The following VWA8 variants were observed in gnomAD, a reference collection of about 807,000 sequenced individuals.
The protein encoded by VWA8 is von Willebrand factor A domain containing 8.
VWA8 carries 221 observed loss-of-function variants against 241.5 expected under a neutral mutation model. That is an observed-to-expected ratio of 0.91 (90% CI 0.82 to 1.02). VWA8 has a LOEUF of 1.02. VWA8 is among the 50% of genes least tolerant of loss of function. VWA8 has a pLI of 0.00. For synonymous variants in VWA8, 852 were observed against 827.1 expected (o/e 1.03, Z -0.52); for missense variants, 2,322 against 2,328.7 (o/e 1.00, Z 0.06).
chr13:41,676,654 CAG>C (rs1295009074), intron 35 of VWA8, among the ~76,000 whole-genome samples: 2 of 152,060 alleles, frequency 1.3e-5, no homozygotes, highest in African/African-American at 4.8e-5. Context: ...TTTTTGGAGA[CAG>C]AGTCTCACTC....
intron 12 of VWA8, among the ~76,000 whole-genome samples, chr13:41,863,455 T>TTCA (rs1566485517): frequency 0.011 from 938 of 86,476 alleles, 10 homozygotes; most frequent in Non-Finnish European, 0.017. Flanking sequence ...ATATATATAT[T>TTCA]CACACACACA....
chr13:41,817,562 G>C (rs1039949684), intron 15 of VWA8, among the ~76,000 whole-genome samples: 1 of 152,160 alleles, frequency 6.6e-6, no homozygotes, highest in African/African-American at 2.4e-5. Context: ...TAAATGCTAA[G>C]TCCTAGTCCA....
At chr13:41,592,764 A>C (rs1348971400) in intron 40 of VWA8, among the ~76,000 whole-genome samples, 1 of 150,822 alleles carries the variant, frequency 6.6e-6, no homozygotes, top group African/African-American at 2.4e-5. Flanking sequence ...TTCCAGCATC[A>C]GCCTGGTTCT....
chr13:41,719,409 T>C (rs757933923), intron 26 of VWA8, 182 bp downstream of exon 26: 125 of 1,421,510 alleles, frequency 8.8e-5, no homozygotes, highest in African/African-American at 1.2e-4. Flanking sequence ...AAATTTTCAA[T>C]TTACAGGCCT....
chr13:41,579,144 G>A (rs140343775), intron 42 of VWA8, among the ~76,000 whole-genome samples: 26 of 152,310 alleles, frequency 1.7e-4, no homozygotes, highest in Admixed American at 1.2e-3. Context: ...GAGATGCTAT[G>A]CTTTATTATG....
chr13:41,762,342 C>G (rs2045746828), intron 20 of VWA8, among the ~76,000 whole-genome samples: 1 of 152,038 alleles, frequency 6.6e-6, no homozygotes, highest in Admixed American at 6.6e-5. Flanking sequence ...ATTATTTCAA[C>G]CTCACAAATC....
intron 19 of VWA8, among the ~76,000 whole-genome samples, chr13:41,779,764 A>C (rs1301140946): frequency 1.3e-5 from 2 of 152,228 alleles, no homozygotes. Flanking sequence ...AAGTACCTGA[A>C]TAGCCAAAGA....
chr13:41,861,739 A>G (rs962316672), intron 12 of VWA8, among the ~76,000 whole-genome samples: 7 of 152,204 alleles, frequency 4.6e-5, no homozygotes, highest in African/African-American at 1.7e-4. Flanking sequence ...GCAGCTACCC[A>G]AGAAAGTAAA....
At position 41,727,266 on chromosome 13, in the gene VWA8, C is replaced by A. The variant is rs1376285975; in HGVS notation, c.2686G>T (p.Asp896Tyr). The change falls in exon 24 of 45, where the codon GAT becomes TAT. Residue 896 changes from aspartate to tyrosine, a missense_variant. Asp to Tyr is a radical substitution (Grantham distance 160). Transcript: ENST00000379310. Reference sequence around the variant, plus strand: ...TTTGCCAGAACAATCATCCTAAAATCAGGATGAATCACTACAACATTTTCT... The same window carrying A: ...TTTGCCAGAACAATCATCCTAAAATAAGGATGAATCACTACAACATTTTCT... The part of the protein sequence containing the change: ...GRENVVVIHP[D>Y]FRMIVLANRP... 4 of 1,559,598 alleles carry A rather than the reference C, an allele frequency of 2.6e-6. No individual in the cohort carries two copies. Among genetic ancestry groups the A allele is most frequent in the Non-Finnish European group, 3.5e-6 (4 of 1,150,962 alleles).
chr13:41,961,028 G>T lies in VWA8; in HGVS notation c.-13C>A. Reference sequence around the variant, plus strand: ...GCCGGGATTGCATGGCGCCGGGGGGGCTGTCGGGGACGGCGAGGGGGCTCG... The same window carrying T: ...GCCGGGATTGCATGGCGCCGGGGGGTCTGTCGGGGACGGCGAGGGGGCTCG... On this transcript the variant is annotated 5_prime_UTR_variant, in exon 1 of 45. Coordinates refer to ENST00000379310, the MANE Select transcript of VWA8 (RefSeq NM_015058.2). 1 of 1,360,664 alleles carries T rather than the reference G, an allele frequency of 7.3e-7. No individual in the cohort carries two copies. The highest frequency in any genetic ancestry group is 9.4e-7 in the Non-Finnish European group (1 of 1,063,550). The allele number at this position is 1,360,664 out of a possible 1,614,324, so 84.3% of individuals were successfully genotyped here. A position where few individuals can be genotyped will look rare whatever the true frequency, so the allele number is the denominator to read the frequency against.
chr13:41,710,584 C>CA (rs1331137978), intron 26 of VWA8, among the ~76,000 whole-genome samples: 4 of 152,238 alleles, frequency 2.6e-5, no homozygotes, highest in Admixed American at 2.6e-4. Flanking sequence ...ATTTTTGAAA[C>CA]AAACAGCTCT....
At chr13:41,883,316 G>GGGGAAGATGGGAAAAGGCAAGGGAA in intron 9 of VWA8, 71 bp downstream of exon 9, 10 of 1,214,958 alleles carry the variant, frequency 8.2e-6, no homozygotes, top group Non-Finnish European at 1.2e-5. Context: ...AAAGGAGTGA[G>GGGGAAGATGGGAAAAGGCAAGGGAA]GGGAAGATGG....
intron 4 of VWA8, among the ~76,000 whole-genome samples, chr13:41,896,390 CAT>C (rs1366750157): frequency 1.3e-5 from 2 of 151,902 alleles, no homozygotes; most frequent in Non-Finnish European, 2.9e-5. Flanking sequence ...ACTGGATAAT[CAT>C]ATGTGACTTT....
intron 12 of VWA8, among the ~76,000 whole-genome samples, chr13:41,850,410 C>G (rs1310137822): frequency 6.6e-6 from 1 of 152,152 alleles, no homozygotes; most frequent in African/African-American, 2.4e-5. Context: ...ACTCAGGGAC[C>G]AGGACCCAGC....
At chr13:41,937,161 T>C (rs993933373) in intron 2 of VWA8, among the ~76,000 whole-genome samples, 1 of 152,218 alleles carries the variant, frequency 6.6e-6, no homozygotes, top group African/African-American at 2.4e-5. Context: ...ATACCAGCAG[T>C]CACCAACCTT....
chr13:41,633,809 C>CATTTCCTCCTTTGTGTTAGTT (rs1299067176), intron 37 of VWA8, among the ~76,000 whole-genome samples: 1 of 152,058 alleles, frequency 6.6e-6, no homozygotes, highest in Non-Finnish European at 1.5e-5. Context: ...GCGGGTTGGT[C>CATTTCCTCCTTTGTGTTAGTT]ATTTCCTCCT....
At position 41,570,561 on chromosome 13, in the gene VWA8, A is replaced by G. The variant is rs1445028598; in HGVS notation, c.5516T>C (p.Ile1839Thr). Residue 1839 changes from isoleucine (I) to threonine (T), a missense_variant, in exon 44 of 45, where the codon ATA becomes ACA. Coordinates refer to ENST00000379310, the MANE Select transcript of VWA8 (RefSeq NM_015058.2). ...LSDANLSRYG[I>T]HPAKFAQILT... is the part of the protein sequence containing the mutation. ...GATTTGAGCAAACTTAGCAGGATGT[A>G]TTCCATATCGTGACAGATTTGCATC... 6.2e-7 allele frequency: 1 copy of G among 1,614,110 alleles called. No homozygotes were observed. Among genetic ancestry groups the G allele is most frequent in the African/African-American group, 1.3e-5 (1 of 74,940 alleles).
chr13:41,957,343 G>A lies in VWA8; in HGVS notation c.163+3510C>T, dbSNP rs182260636. On this transcript the variant is annotated intron_variant, in intron 1 of 44. Coordinates refer to ENST00000379310, the MANE Select transcript of VWA8 (RefSeq NM_015058.2). ...TAAGACGTGACTTTTCTCCTCCTTCGCCTTCCACAATGATTGTGAGGCCTA... is the reference window on the plus strand; with the variant it reads ...TAAGACGTGACTTTTCTCCTCCTTCACCTTCCACAATGATTGTGAGGCCTA... Among the ~76,000 whole-genome samples, 1,113 of 152,188 alleles carry A rather than the reference G, an allele frequency of 7.3e-3. 21 individuals carry two copies. The highest frequency in any genetic ancestry group is 0.024 in the African/African-American group (989 of 41,520).
chr13:41,667,693 CT>C (rs1429825259), intron 37 of VWA8, among the ~76,000 whole-genome samples: 1 of 152,154 alleles, frequency 6.6e-6, no homozygotes, highest in African/African-American at 2.4e-5. Flanking sequence ...GCTTTAACAG[CT>C]TTCTTGGAAG....
Sources: allele counts gnomAD v4.1 joint callset (sites outside exome capture counted in the v4.1 genomes callset), GRCh38; gene constraint gnomAD v4.1.1; transcripts MANE v1.5; gene names NCBI Gene and HGNC (gene_info 2026-07-23, HGNC 2026-07-21).